The following DERA variants were observed in gnomAD, a reference collection of about 807,000 sequenced individuals.
DERA encodes the protein 2-deoxy-D-ribose 5-phosphate aldolase.
DERA carries 15 observed loss-of-function variants against 41.1 expected under a neutral mutation model. The ratio of observed to expected loss-of-function variants is 0.37; its 90% CI spans 0.24 to 0.56. DERA has a LOEUF of 0.56. Among genes scored for constraint, DERA ranks in the 20% least tolerant of loss-of-function variants. The pLI is 0.81. For missense variants in DERA, 396 were observed against 403.4 expected, an observed-to-expected ratio of 0.98 and a Z score of 0.16; for synonymous variants, 139 against 137.4, an observed-to-expected ratio of 1.01 and a Z score of -0.08.
chr12:16,024,784 C>T (rs1001727174), intron 6 of DERA, among the ~76,000 whole-genome samples: 4 of 151,716 alleles, frequency 2.6e-5, no homozygotes, highest in East Asian at 1.9e-4. Context: ...AAAAAGGAAG[C>T]GCATTAGAGA....
In DERA at chr12:15,911,416, T is replaced by TA. The variant is rs1948162492; in HGVS notation, c.31+4dup. ...CGCACAATCGGGGCACCGAGCTCGGTAAGGGGCCCGCGGGGCTCCCCATCC... is the reference window on the plus strand; with the variant it reads ...CGCACAATCGGGGCACCGAGCTCGGTAAAGGGGCCCGCGGGGCTCCCCATCC... On this transcript the variant is annotated splice_region_variant and intron_variant, in intron 1 of 8. Coordinates refer to ENST00000428559, the MANE Select transcript of DERA (RefSeq NM_015954.4). The surrounding 1 kb of genome is among the most constrained non-coding windows in gnomAD (Gnocchi z 4.5). The TA allele has an allele frequency of 7.1e-7, 1 of 1,407,516 alleles. No individual in the cohort carries two copies. Among genetic ancestry groups the TA allele is most frequent in the South Asian group, 1.6e-5 (1 of 64,286 alleles). 87.2% of individuals were successfully genotyped at this position (1,407,516 alleles called of 1,614,324 possible). A position where few individuals can be genotyped will look rare whatever the true frequency, so the allele number is the denominator to read the frequency against.
At chr12:15,997,875 CAG>C (rs1948849849) in intron 6 of DERA, among the ~76,000 whole-genome samples, 2 of 152,086 alleles carry the variant, frequency 1.3e-5, no homozygotes, top group African/African-American at 4.8e-5. Flanking sequence ...CCAAGAGAAA[CAG>C]AGCAAATAAA....
chr12:16,010,643 G>T lies in DERA; in HGVS notation c.638-21899G>T, dbSNP rs1478332304. Among the ~76,000 whole-genome samples, 1 of 151,982 alleles carries T rather than the reference G, an allele frequency of 6.6e-6. No homozygotes were observed. The highest frequency in any genetic ancestry group is 1.5e-5 in the Non-Finnish European group (1 of 68,010). On this transcript the variant is annotated intron_variant, in intron 6 of 8. Coordinates refer to ENST00000428559, the MANE Select transcript of DERA (RefSeq NM_015954.4). The surrounding 1 kb of genome is among the most constrained non-coding windows in gnomAD (Gnocchi z 5.5). ...TGAACAGAAGGAGAGAGGCTGCATT[G>T]TCTCTATAAGTGGTTAGTAAGTGGA...
rs1030880176 is a variant in DERA, at chr12:15,913,078, C to A, written c.31+1664C>A. On this transcript the variant is annotated intron_variant, in intron 1 of 8. Transcript: ENST00000428559. The surrounding 1 kb of genome is among the most constrained non-coding windows in gnomAD (Gnocchi z 4.5). ...TATGACCATGTGACTATGCATACAT[C>A]AAGGATGTGCCCTAAATTTCCCAAA... Among the ~76,000 whole-genome samples, 1 of 152,208 alleles carries A rather than the reference C, an allele frequency of 6.6e-6. No homozygotes were observed. The highest frequency in any genetic ancestry group is 1.5e-5 in the Non-Finnish European group (1 of 68,042).
chr12:16,023,441 G>C (rs1949029589), intron 6 of DERA, among the ~76,000 whole-genome samples: 1 of 150,446 alleles, frequency 6.6e-6, no homozygotes, highest in Non-Finnish European at 1.5e-5. Flanking sequence ...AAAATACATT[G>C]GATGCTAGAG....
Position 15,970,226 on chromosome 12 carries a change from C to G in DERA, c.508+7279C>G, listed in dbSNP as rs186884081. On this transcript the variant is annotated intron_variant, in intron 5 of 8. Coordinates refer to ENST00000428559, the MANE Select transcript of DERA (RefSeq NM_015954.4). The surrounding 1 kb of genome is among the most constrained non-coding windows in gnomAD (Gnocchi z 4.3). ...GAGTTATTTTCAGGCCATTCTTGTG[C>G]AGTGTTGAACATCTTTCTGATACTC... 6.6e-6 allele frequency among the ~76,000 whole-genome samples: 1 copy of G among 152,190 alleles called. No homozygotes were observed. Among genetic ancestry groups the G allele is most frequent in the Admixed American group, 6.5e-5 (1 of 15,290 alleles).
At chr12:15,945,510 C>T (rs1948440473) in intron 1 of DERA, among the ~76,000 whole-genome samples, 1 of 152,148 alleles carries the variant, frequency 6.6e-6, no homozygotes, top group Non-Finnish European at 1.5e-5. Flanking sequence ...TGGGAGTTCA[C>T]TCATGATTTG....
chr12:16,020,270 G>A lies in DERA; in HGVS notation c.638-12272G>A, dbSNP rs908906114. On this transcript the variant is annotated intron_variant, in intron 6 of 8. Transcript: ENST00000428559. This position sits in a 1 kb window ranked among gnomAD's most constrained non-coding sequence, Gnocchi z 5.5. The stretch of plus-strand genomic sequence containing the variant: ...GGAAGCAGGCATGTCTTAAATGGCT[G>A]GAGCAGGAAGAAGAGAGAGGAGGGG... Among the ~76,000 whole-genome samples, 2 of 152,184 alleles carry A rather than the reference G, an allele frequency of 1.3e-5. No individual in the cohort carries two copies. Among genetic ancestry groups the A allele is most frequent in the South Asian group, 4.1e-4 (2 of 4,824 alleles).
Position 16,004,574 on chromosome 12 carries a change from C to G in DERA, c.637+22138C>G, listed in dbSNP as rs1488251921. ...AGGAAGAAAGAAAAGGACTAACCAC[C>G]TTTCTAAATGTTTAATAGTAGTCAT... On this transcript the variant is annotated intron_variant, in intron 6 of 8. Coordinates refer to ENST00000428559, the MANE Select transcript of DERA (RefSeq NM_015954.4). The surrounding 1 kb of genome is among the most constrained non-coding windows in gnomAD (Gnocchi z 4.2). Among the ~76,000 whole-genome samples, 2 of 152,104 alleles carry G rather than the reference C, an allele frequency of 1.3e-5. No individual in the cohort carries two copies. Among genetic ancestry groups the G allele is most frequent in the Non-Finnish European group, 2.9e-5 (2 of 68,022 alleles).
At position 15,946,662 on chromosome 12, in the gene DERA, T is replaced by G. The variant is rs543811443; in HGVS notation, c.32-10274T>G. Among the ~76,000 whole-genome samples, 4 of 152,220 alleles carry G rather than the reference T, an allele frequency of 2.6e-5. No individual in the cohort carries two copies. In the South Asian group the frequency reaches 8.3e-4, roughly 32 times the overall value. On this transcript the variant is annotated intron_variant, in intron 1 of 8. Coordinates refer to ENST00000428559, the MANE Select transcript of DERA (RefSeq NM_015954.4). Reference sequence around the variant, plus strand: ...TAGCAGTCTATCAATTTTGTTGATCTTTTCAAAAAACCAGCTCCTGGATTC... The same window carrying G: ...TAGCAGTCTATCAATTTTGTTGATCGTTTCAAAAAACCAGCTCCTGGATTC...
chr12:15,987,905 G>C (rs1948775850), intron 6 of DERA, among the ~76,000 whole-genome samples: 1 of 152,150 alleles, frequency 6.6e-6, no homozygotes, highest in South Asian at 2.1e-4. Flanking sequence ...GAGTGGCAAG[G>C]GATGTGTGAG....
intron 7 of DERA, chr12:16,033,017 G>T: frequency 4.9e-6 from 1 of 202,294 alleles, no homozygotes; most frequent in Non-Finnish European, 1.0e-5. Flanking sequence ...GTGAAAACAG[G>T]TTAATGCAGA....
intron 5 of DERA, among the ~76,000 whole-genome samples, chr12:15,968,208 T>C (rs1420511914): frequency 2.6e-5 from 4 of 152,196 alleles, no homozygotes; most frequent in African/African-American, 9.6e-5. Context: ...AATACATTTA[T>C]ATATTGTATG....
In DERA at chr12:15,943,638, T is replaced by C. The variant is rs557417413; in HGVS notation, c.32-13298T>C. ...GAAACAGAACTTCCACGAATGATCC[T>C]ACCTGTATAACATGTGCTGTATCTT... On this transcript the variant is annotated intron_variant, in intron 1 of 8. Coordinates refer to ENST00000428559, the MANE Select transcript of DERA (RefSeq NM_015954.4). This position sits in a 1 kb window ranked among gnomAD's most constrained non-coding sequence, Gnocchi z 4.5. Among the ~76,000 whole-genome samples, 10 of 152,284 alleles carry C rather than the reference T, an allele frequency of 6.6e-5. No homozygotes were observed. The highest frequency in any genetic ancestry group is 5.9e-4 in the Admixed American group (9 of 15,300).
In DERA at chr12:15,985,716, T is replaced by G. The variant is rs1360849127; in HGVS notation, c.637+3280T>G. On this transcript the variant is annotated intron_variant, in intron 6 of 8. Transcript: ENST00000428559. This position sits in a 1 kb window ranked among gnomAD's most constrained non-coding sequence, Gnocchi z 4.2. ...CCTATTGTTGCTTTATAATTTAAGATTTTGTTATCCTCAGAGAGTATCCAT... is the reference window on the plus strand; with the variant it reads ...CCTATTGTTGCTTTATAATTTAAGAGTTTGTTATCCTCAGAGAGTATCCAT... 2.0e-5 allele frequency among the ~76,000 whole-genome samples: 3 copies of G among 152,186 alleles called. No homozygotes were observed. The highest frequency in any genetic ancestry group is 1.3e-4 in the Admixed American group (2 of 15,292).
chr12:15,925,684 T>G (rs577508212), intron 1 of DERA, among the ~76,000 whole-genome samples: 1 of 152,156 alleles, frequency 6.6e-6, no homozygotes, highest in South Asian at 2.1e-4. Flanking sequence ...CCTGAAGAAG[T>G]AGAACTTTGA....
chr12:15,911,577 G>A lies in DERA; in HGVS notation c.31+163G>A. 1.3e-6 allele frequency: 1 copy of A among 751,088 alleles called. No individual in the cohort carries two copies. The highest frequency in any genetic ancestry group is 2.3e-6 in the Non-Finnish European group (1 of 439,742). 46.5% of individuals were successfully genotyped at this position (751,088 alleles called of 1,614,324 possible). On this transcript the variant is annotated intron_variant, in intron 1 of 8. Transcript: ENST00000428559. The surrounding 1 kb of genome is among the most constrained non-coding windows in gnomAD (Gnocchi z 4.5). Reference sequence around the variant, plus strand: ...TGGTCAGCCCTCACCCCAAGTAAAGGCCGAACCCGGCACGTTCGCGCCGCT... The same window carrying A: ...TGGTCAGCCCTCACCCCAAGTAAAGACCGAACCCGGCACGTTCGCGCCGCT...
At position 16,026,551 on chromosome 12, in the gene DERA, A is replaced by G. The variant is rs1472482841; in HGVS notation, c.638-5991A>G. 6.6e-6 allele frequency among the ~76,000 whole-genome samples: 1 copy of G among 150,732 alleles called. No homozygotes were observed. The highest frequency in any genetic ancestry group is 1.5e-5 in the Non-Finnish European group (1 of 67,624). On this transcript the variant is annotated intron_variant, in intron 6 of 8. Transcript: ENST00000428559. This position sits in a 1 kb window ranked among gnomAD's most constrained non-coding sequence, Gnocchi z 4.4. ...TAAATTTAATTTAATTTCTTTTATA[A>G]AATATTTAATGTGACTTTTACATAA...
At position 15,911,680 on chromosome 12, in the gene DERA, G is replaced by A; in HGVS notation, c.31+266G>A. 1 of 677,646 alleles carries A rather than the reference G, an allele frequency of 1.5e-6. No individual in the cohort carries two copies. 42.0% of individuals were successfully genotyped at this position (677,646 alleles called of 1,614,324 possible). ...TAGATTATTATCTTCCTGCCTTTTCGTTCACTCTAGCTCGCTGGTTGGAAA... is the reference window on the plus strand; with the variant it reads ...TAGATTATTATCTTCCTGCCTTTTCATTCACTCTAGCTCGCTGGTTGGAAA... On this transcript the variant is annotated intron_variant, in intron 1 of 8. Transcript: ENST00000428559. The surrounding 1 kb of genome is among the most constrained non-coding windows in gnomAD (Gnocchi z 4.5).
Sources: gnomAD v4.1 joint callset for allele counts (sites outside exome capture counted in the v4.1 genomes callset) on GRCh38, gnomAD v4.1.1 for gene constraint, Gnocchi (gnomAD v3.1) non-coding constraint, MANE v1.5 for transcripts, NCBI Gene and HGNC (gene_info 2026-07-23, HGNC 2026-07-21) for gene names.